DMD: variants seen among roughly 807,000 people sequenced by gnomAD.
The protein encoded by DMD is dystrophin.
Under a neutral mutation model 330.1 loss-of-function variants are expected in DMD, and 63 were observed. That is an observed-to-expected ratio of 0.19 (90% CI 0.16 to 0.24). DMD has a LOEUF of 0.24. DMD is among the 10% of genes least tolerant of loss of function. The pLI, the probability that DMD is intolerant of heterozygous loss-of-function variation, is 1.00. For missense variants in DMD, 3,344 were observed against 2,684.1 expected (o/e 1.25, Z -5.43); for synonymous variants, 1,223 against 959.8 (o/e 1.27, Z -5.07).
At chrX:33,275,530 G>A (rs1165155152) in intron 1 of DMD, among the ~76,000 whole-genome samples, 1 of 111,740 alleles carries the variant, frequency 8.9e-6, no homozygotes, top group Non-Finnish European at 1.9e-5. Flanking sequence ...ATCATTTCTG[G>A]GACAAGCTGA....
intron 62 of DMD, among the ~76,000 whole-genome samples, chrX:31,273,416 G>A (rs946636613): frequency 8.9e-6 from 1 of 111,848 alleles, no homozygotes; most frequent in Non-Finnish European, 1.9e-5. Flanking sequence ...ATTTCATTTT[G>A]AGTCTTTTTA....
chrX:33,004,432 C>T, intron 2 of DMD, among the ~76,000 whole-genome samples: 1 of 111,322 alleles, frequency 9.0e-6, no homozygotes, highest in East Asian at 2.8e-4. Context: ...TAGGTATACT[C>T]ATTACTACCA....
chrX:32,842,289 C>T (rs979595689), intron 4 of DMD, among the ~76,000 whole-genome samples: 3 of 112,534 alleles, frequency 2.7e-5, no homozygotes, highest in Non-Finnish European at 5.6e-5. Context: ...CCAAAGGGGA[C>T]TTCTCAGGCC....
chrX:32,726,081 C>A (rs1370643659), intron 7 of DMD, among the ~76,000 whole-genome samples: 8 of 110,751 alleles, frequency 7.2e-5, no homozygotes, highest in Non-Finnish European at 1.5e-4. Context: ...TACTTTTATC[C>A]AATATATATG....
chrX:32,984,229 G>GA (rs771020929), intron 2 of DMD, among the ~76,000 whole-genome samples: 103 of 112,087 alleles, frequency 9.2e-4, no homozygotes, highest in African/African-American at 3.0e-3. Flanking sequence ...GTGAGTGTAG[G>GA]AGAGTTATTT....
At chrX:32,467,804 G>C (rs2040199356) in intron 23 of DMD, among the ~76,000 whole-genome samples, 1 of 109,184 alleles carries the variant, frequency 9.2e-6, no homozygotes, top group Admixed American at 9.9e-5. Flanking sequence ...GATTAATTCT[G>C]AACTTCTGAC....
At chrX:33,132,513 C>T (rs911445662) in intron 1 of DMD, among the ~76,000 whole-genome samples, 3 of 112,288 alleles carry the variant, frequency 2.7e-5, no homozygotes, top group Non-Finnish European at 3.8e-5. Context: ...GGGGAGGATG[C>T]CTCTTTGTTT....
At chrX:31,929,262 C>T (rs761799533) in intron 47 of DMD, among the ~76,000 whole-genome samples, 3 of 111,676 alleles carry the variant, frequency 2.7e-5, no homozygotes, top group Admixed American at 1.9e-4. Context: ...AACCAGACCA[C>T]GTCCTTTCAG....
intron 55 of DMD, among the ~76,000 whole-genome samples, chrX:31,537,848 C>T (rs1603340224): frequency 8.9e-6 from 1 of 112,140 alleles, no homozygotes; most frequent in East Asian, 2.8e-4. Context: ...TAGTAATACC[C>T]TTACCATCTA....
chrX:32,356,315 A>T (rs1354430704), intron 37 of DMD, among the ~76,000 whole-genome samples: 1 of 106,384 alleles, frequency 9.4e-6, no homozygotes, highest in African/African-American at 3.4e-5. Context: ...AGCCTCCTAT[A>T]AACTTGTGAA....
At chrX:33,140,889 C>G (rs769811194) in intron 1 of DMD, among the ~76,000 whole-genome samples, 2 of 111,463 alleles carry the variant, frequency 1.8e-5, no homozygotes, top group South Asian at 7.5e-4. Flanking sequence ...ATATTTACAC[C>G]AAGTTATGAT....
chrX:31,823,042 ATTAGT>A (rs779235448), intron 49 of DMD, among the ~76,000 whole-genome samples: 6 of 111,006 alleles, frequency 5.4e-5, no homozygotes, highest in Non-Finnish European at 7.5e-5. Flanking sequence ...GCCAACTGGG[ATTAGT>A]TTAGATTGTA....
At chrX:31,671,243 C>G (rs1414938219) in intron 53 of DMD, among the ~76,000 whole-genome samples, 5 of 112,041 alleles carry the variant, frequency 4.5e-5, no homozygotes, top group African/African-American at 1.6e-4. Context: ...GTTAAGTGTT[C>G]TTTATTTTTC....
At chrX:32,680,966 C>T (rs1221290720) in intron 9 of DMD, among the ~76,000 whole-genome samples, 1 of 112,303 alleles carries the variant, frequency 8.9e-6, no homozygotes, top group Non-Finnish European at 1.9e-5. Context: ...ACATATTTTA[C>T]ATCACTTTTC....
intron 7 of DMD, among the ~76,000 whole-genome samples, chrX:32,728,810 T>C (rs750813786): frequency 8.9e-6 from 1 of 112,355 alleles, no homozygotes; most frequent in African/African-American, 3.2e-5. Flanking sequence ...CTTAATTGTT[T>C]AATTTTCTTC....
At chrX:33,101,291 T>G (rs1345008473) in intron 1 of DMD, among the ~76,000 whole-genome samples, 1 of 111,652 alleles carries the variant, frequency 9.0e-6, no homozygotes, top group Non-Finnish European at 1.9e-5. Context: ...TACTGAAAAA[T>G]CTCTCTGAAC....
At chrX:33,200,502 C>T (rs1437303525) in intron 1 of DMD, among the ~76,000 whole-genome samples, 2 of 111,532 alleles carry the variant, frequency 1.8e-5, no homozygotes, top group Non-Finnish European at 3.8e-5. Flanking sequence ...CTTCATTCAT[C>T]ACACTGTCAT....
intron 59 of DMD, among the ~76,000 whole-genome samples, chrX:31,471,439 G>A (rs781638349): frequency 4.5e-5 from 5 of 111,683 alleles, no homozygotes; most frequent in Non-Finnish European, 7.5e-5. Context: ...GGGGTGAGGC[G>A]ACATCCCACC....
intron 60 of DMD, among the ~76,000 whole-genome samples, chrX:31,391,150 ATTTTAT>A (rs895980040): frequency 1.3e-4 from 14 of 110,389 alleles, no homozygotes; most frequent in African/African-American, 4.6e-4. Context: ...TTTTCTTTTT[ATTTTAT>A]TTTTATTTTT....
Sources: gnomAD v4.1 joint callset for allele counts (sites outside exome capture counted in the v4.1 genomes callset) on GRCh38, gnomAD v4.1.1 for gene constraint, MANE v1.5 for transcripts, NCBI Gene and HGNC (gene_info 2026-07-23, HGNC 2026-07-21) for gene names.